Variants in POPDC1 observed in about 807,000 individuals in gnomAD.
The protein encoded by POPDC1 is popeye domain-containing protein 1.
At chr6:105,133,890 T>C in the POPDC1 span, among the ~76,000 whole-genome samples, 3 of 152,086 alleles carry the variant, frequency 2.0e-5, no homozygotes, top group African/African-American at 7.2e-5. Context: ...TAAACACTTG[T>C]AGGGAAGGGA....
chr6:105,104,886 CTG>C, the POPDC1 span, among the ~76,000 whole-genome samples: 1 of 151,808 alleles, frequency 6.6e-6, no homozygotes, highest in Non-Finnish European at 1.5e-5. Context: ...GTCTTTCATG[CTG>C]TCTTATTTTA....
the POPDC1 span, among the ~76,000 whole-genome samples, chr6:105,106,351 G>A: frequency 1.3e-5 from 2 of 152,204 alleles, no homozygotes; most frequent in African/African-American, 4.8e-5. Flanking sequence ...GCTCTGGGGT[G>A]TCTGCCACAC....
At chr6:105,116,473 A>G in the POPDC1 span, among the ~76,000 whole-genome samples, 1 of 152,142 alleles carries the variant, frequency 6.6e-6, no homozygotes, top group Non-Finnish European at 1.5e-5. Context: ...CTCTTGATGA[A>G]GAGGGTGCCT....
the POPDC1 span, among the ~76,000 whole-genome samples, chr6:105,113,089 C>T: frequency 6.6e-6 from 1 of 151,898 alleles, no homozygotes; most frequent in Non-Finnish European, 1.5e-5. Flanking sequence ...TATCACCATG[C>T]CTGGATAATT....
chr6:105,127,707 A>C, the POPDC1 span, among the ~76,000 whole-genome samples: 1 of 151,702 alleles, frequency 6.6e-6, no homozygotes, highest in Admixed American at 6.6e-5. Context: ...AAGTGCTGGG[A>C]TTACAGGCAT....
the POPDC1 span, among the ~76,000 whole-genome samples, chr6:105,106,193 G>C: frequency 6.6e-6 from 1 of 152,130 alleles, no homozygotes. Flanking sequence ...AGACTTAACA[G>C]GTGTGAAACT....
chr6:105,112,585 C>T, the POPDC1 span, among the ~76,000 whole-genome samples: 1 of 152,064 alleles, frequency 6.6e-6, no homozygotes, highest in Non-Finnish European at 1.5e-5. Context: ...AAGAATAAGG[C>T]AAAAATTTTA....
the POPDC1 span, chr6:105,101,049 A>G: frequency 6.3e-7 from 1 of 1,576,594 alleles, no homozygotes. Context: ...GGATCTCTTC[A>G]AGACACCTTC....
the POPDC1 span, among the ~76,000 whole-genome samples, chr6:105,113,685 C>A: frequency 0.77 from 117,478 of 151,938 alleles, 47,642 homozygotes; most frequent in Non-Finnish European, 0.88. Context: ...TTAGTTAATA[C>A]CTTCAAAAAG....
chr6:105,121,182 A>T, the POPDC1 span, among the ~76,000 whole-genome samples: 1 of 152,190 alleles, frequency 6.6e-6, no homozygotes, highest in Non-Finnish European at 1.5e-5. Flanking sequence ...GATAGAATAC[A>T]AAAGAAAAGC....
At chr6:105,100,386 T>G in the POPDC1 span, 7 of 152,100 alleles carry the variant, frequency 4.6e-5, no homozygotes, top group Non-Finnish European at 1.0e-4. Flanking sequence ...GGCAGGTGCC[T>G]GTAGTCCCAG....
chr6:105,105,327 T>A, the POPDC1 span, among the ~76,000 whole-genome samples: 3 of 152,178 alleles, frequency 2.0e-5, no homozygotes, highest in Non-Finnish European at 4.4e-5. Context: ...TCGCTTGGAA[T>A]TAGAATCACG....
At chr6:105,124,527 A>C in the POPDC1 span, 5 of 1,521,218 alleles carry the variant, frequency 3.3e-6, no homozygotes, top group South Asian at 5.6e-5. Flanking sequence ...AATCTCCTTA[A>C]AAATCATGTG....
At chr6:105,135,471 T>TAATC in the POPDC1 span, among the ~76,000 whole-genome samples, 1 of 152,186 alleles carries the variant, frequency 6.6e-6, no homozygotes, top group Non-Finnish European at 1.5e-5. Flanking sequence ...CACATTTACA[T>TAATC]AATCAATCAA....
chr6:105,136,761 C>G, the POPDC1 span: 2 of 152,376 alleles, frequency 1.3e-5, no homozygotes, highest in East Asian at 3.9e-4. Context: ...GGGAGCCCCT[C>G]GAGGGCGCGG....
chr6:105,133,649 C>T, the POPDC1 span: 1 of 1,204,376 alleles, frequency 8.3e-7, no homozygotes, highest in East Asian at 2.3e-5. Context: ...TTTTTACCTT[C>T]ATAGGTATTA....
chr6:105,133,684 AAT>A, the POPDC1 span: 1 of 831,430 alleles, frequency 1.2e-6, no homozygotes, highest in Non-Finnish European at 1.9e-6. Context: ...CTGTGAATTA[AAT>A]AGACTTCTCT....
At chr6:105,099,997 C>T in the POPDC1 span, 7 of 152,212 alleles carry the variant, frequency 4.6e-5, no homozygotes, top group Non-Finnish European at 1.0e-4. Flanking sequence ...ACCCCGTGCT[C>T]AGAAACCCAT....
chr6:105,111,032 G>T, the POPDC1 span, among the ~76,000 whole-genome samples: 1 of 151,994 alleles, frequency 6.6e-6, no homozygotes, highest in African/African-American at 2.4e-5. Context: ...TACTTACAAA[G>T]ATCTTAATAA....
Sources: gnomAD v4.1 joint callset for allele counts (sites outside exome capture counted in the v4.1 genomes callset) on GRCh38, gnomAD v4.1.1 for gene constraint, MANE v1.5 for transcripts, NCBI Gene and HGNC (gene_info 2026-07-23, HGNC 2026-07-21) for gene names.